The following DIAPH2 variants were observed in gnomAD, a reference collection of about 807,000 sequenced individuals.
DIAPH2 encodes the protein diaphanous related formin 2.
Under a neutral mutation model 92.7 loss-of-function variants are expected in DIAPH2, and 35 were observed. The ratio of observed to expected loss-of-function variants is 0.38; its 90% CI spans 0.29 to 0.50. The LOEUF is 0.50. Among genes scored for constraint, DIAPH2 ranks in the 20% least tolerant of loss-of-function variants. The pLI, the probability that DIAPH2 is intolerant of heterozygous loss-of-function variation, is 0.94. For missense variants in DIAPH2, 701 were observed against 819.5 expected, an observed-to-expected ratio of 0.86 and a Z score of 1.77; for synonymous variants, 301 against 280.4, an observed-to-expected ratio of 1.07 and a Z score of -0.73.
intron 23 of DIAPH2, among the ~76,000 whole-genome samples, chrX:97,321,527 TTTG>T (rs1315738292): frequency 9.5e-6 from 1 of 105,063 alleles, no homozygotes; most frequent in Non-Finnish European, 1.9e-5. Context: ...TGTATGTGTT[TTTG>T]TTGTTGTGTT....
intron 8 of DIAPH2, 141 bp downstream of exon 8, chrX:96,916,715 G>T: frequency 1.6e-6 from 1 of 634,416 alleles, no homozygotes; most frequent in African/African-American, 2.4e-5. Flanking sequence ...TTTTTATCTT[G>T]CCTGTTTATA....
chrX:97,514,789 C>G (rs976541491), intron 26 of DIAPH2, among the ~76,000 whole-genome samples: 3 of 109,846 alleles, frequency 2.7e-5, no homozygotes, highest in African/African-American at 9.9e-5. Flanking sequence ...TCAGTGTGCC[C>G]CTGCTGGAGG....
At chrX:96,912,641 T>A in intron 7 of DIAPH2, 89 bp downstream of exon 7, 7 of 1,004,765 alleles carry the variant, frequency 7.0e-6, no homozygotes, top group Non-Finnish European at 9.0e-6. Context: ...TATTTTTTTA[T>A]TATTTTTTTT....
At position 97,247,821 on chromosome X, in the gene DIAPH2, G is replaced by A; in HGVS notation, c.2826G>A (p.Lys942=). 1 of 1,209,238 alleles carries A rather than the reference G, an allele frequency of 8.3e-7. No individual in the cohort carries two copies. The highest frequency in any genetic ancestry group is 1.8e-5 in the South Asian group (1 of 56,586). ...KFPQAENQHD[K]FVEKMTSFTK... Reference sequence around the variant, plus strand: ...CCCAAGCAGAAAATCAACACGATAAGTTTGTGGAAAAGATGACCATATCCT... The same window carrying A: ...CCCAAGCAGAAAATCAACACGATAAATTTGTGGAAAAGATGACCATATCCT... Residue 942 remains lysine, a synonymous_variant, in exon 23 of 27, where the codon AAG becomes AAA. Transcript: ENST00000324765.
intron 18 of DIAPH2, among the ~76,000 whole-genome samples, chrX:97,074,947 A>G (rs751463112): frequency 5.4e-5 from 6 of 112,009 alleles, no homozygotes; most frequent in Non-Finnish European, 1.1e-4. Context: ...GTGTGTAAAT[A>G]TGCACTAGCT....
chrX:97,533,738 T>TC (rs2071076663), intron 26 of DIAPH2, among the ~76,000 whole-genome samples: 1 of 111,494 alleles, frequency 9.0e-6, no homozygotes, highest in African/African-American at 3.3e-5. Context: ...TACATCAAAC[T>TC]CCCCCTCTAG....
At chrX:96,949,578 T>C (rs991231456) in intron 15 of DIAPH2, among the ~76,000 whole-genome samples, 1 of 107,068 alleles carries the variant, frequency 9.3e-6, no homozygotes, top group Non-Finnish European at 1.9e-5. Context: ...GCATGGTGGC[T>C]CACGCCTATA....
chrX:97,220,705 T>G (rs1251768844), intron 22 of DIAPH2, among the ~76,000 whole-genome samples: 1 of 112,130 alleles, frequency 8.9e-6, no homozygotes, highest in Non-Finnish European at 1.9e-5. Flanking sequence ...TTGGAATGTT[T>G]CAAACTCTAC....
chrX:97,463,495 A>T (rs2070479053), intron 26 of DIAPH2, among the ~76,000 whole-genome samples: 2 of 109,315 alleles, frequency 1.8e-5, no homozygotes, highest in South Asian at 8.0e-4. Context: ...GGTTCAAGCG[A>T]TTCTCCTGCC....
intron 21 of DIAPH2, among the ~76,000 whole-genome samples, chrX:97,138,940 A>G: frequency 9.0e-6 from 1 of 111,570 alleles, no homozygotes. Flanking sequence ...TTAATTGGAT[A>G]TTTCATGTTA....
intron 1 of DIAPH2, among the ~76,000 whole-genome samples, chrX:96,720,274 C>G (rs748386435): frequency 1.5e-4 from 17 of 111,598 alleles, no homozygotes; most frequent in African/African-American, 4.9e-4. Flanking sequence ...ATCTCTCCAG[C>G]CTTGGTCAAA....
At chrX:97,531,084 A>G (rs1002857818) in intron 26 of DIAPH2, among the ~76,000 whole-genome samples, 1 of 110,945 alleles carries the variant, frequency 9.0e-6, no homozygotes, top group African/African-American at 3.3e-5. Flanking sequence ...TGGGCTTAAA[A>G]TTTTGGTCCA....
rs1569425774 is a variant in DIAPH2, at chrX:96,912,402, A to G, written c.662A>G (p.Gln221Arg). Residue 221 changes from glutamine to arginine, a missense_variant and splice_region_variant, in exon 6 of 27, where the codon CAG (glutamine) becomes CGG (arginine). Gln to Arg is a conservative substitution (Grantham distance 43). Coordinates refer to ENST00000324765, the MANE Select transcript of DIAPH2 (RefSeq NM_006729.5). ...DELEKLLDKK[Q>R]QENIDKKNQY... ...CTGGAAAAGCTTCTGGACAAAAAAC[A>G]GTAAGAATAAACACTGAAATTAAAA... The G allele has an allele frequency of 8.3e-7, 1 of 1,201,315 alleles. No individual in the cohort carries two copies. The highest frequency in any genetic ancestry group is 1.1e-6 in the Non-Finnish European group (1 of 889,340).
chrX:96,717,446 T>G (rs1288183333), intron 1 of DIAPH2, among the ~76,000 whole-genome samples: 1 of 110,186 alleles, frequency 9.1e-6, no homozygotes, highest in African/African-American at 3.3e-5. Context: ...TGAAGCTCTG[T>G]TATTACAGGC....
intron 26 of DIAPH2, among the ~76,000 whole-genome samples, chrX:97,444,056 G>A (rs2070285277): frequency 8.9e-6 from 1 of 112,149 alleles, no homozygotes; most frequent in Admixed American, 9.5e-5. Context: ...TATTTGCTCA[G>A]AAGAATAGAT....
intron 15 of DIAPH2, among the ~76,000 whole-genome samples, chrX:96,954,658 A>T (rs1428547389): frequency 8.9e-6 from 1 of 112,532 alleles, no homozygotes; most frequent in African/African-American, 3.2e-5. Context: ...TTGGTTAGTC[A>T]TTTAACTTTT....
intron 10 of DIAPH2, among the ~76,000 whole-genome samples, chrX:96,933,080 T>C (rs5921911): frequency 0.039 from 4,318 of 110,777 alleles, 104 homozygotes; most frequent in Middle Eastern, 0.083. Flanking sequence ...GAATAGAACC[T>C]ACAAGGATTC....
intron 22 of DIAPH2, among the ~76,000 whole-genome samples, chrX:97,244,931 A>T (rs1470528000): frequency 9.0e-6 from 1 of 110,963 alleles, no homozygotes; most frequent in East Asian, 2.8e-4. Context: ...TCTACTAAAA[A>T]TATAAAAATT....
chrX:97,558,138 G>T (rs951683304), intron 26 of DIAPH2, among the ~76,000 whole-genome samples: 6 of 111,732 alleles, frequency 5.4e-5, no homozygotes, highest in Admixed American at 4.8e-4. Flanking sequence ...CATGACAAGG[G>T]CACATTCATG....
Sources: gnomAD v4.1 joint callset for allele counts (sites outside exome capture counted in the v4.1 genomes callset) on GRCh38, gnomAD v4.1.1 for gene constraint, MANE v1.5 for transcripts, NCBI Gene and HGNC (gene_info 2026-07-23, HGNC 2026-07-21) for gene names.